ZDHHC7: variants seen among roughly 807,000 people sequenced by gnomAD.
ZDHHC7 encodes the protein palmitoyltransferase ZDHHC7.
ZDHHC7 carries 12 observed loss-of-function variants against 34.1 expected under a neutral mutation model. The observed-to-expected ratio is 0.35, with a 90% CI of 0.23 to 0.57. ZDHHC7 has a LOEUF of 0.57. ZDHHC7 is among the 20% of genes least tolerant of loss of function. The pLI is 0.84. For synonymous variants in ZDHHC7, 185 were observed against 155.4 expected (o/e 1.19, Z -1.42); for missense variants, 388 against 402.7 (o/e 0.96, Z 0.31).
upstream of ZDHHC7, among the ~76,000 whole-genome samples, chr16:85,011,702 G>A (rs1449153008): frequency 6.6e-6 from 1 of 152,220 alleles, no homozygotes; most frequent in Non-Finnish European, 1.5e-5. Flanking sequence ...AGACAGAGAT[G>A]CCGCCAAACT....
chr16:85,011,212 G>T (rs1025896241), intron 1 of ZDHHC7, 74 bp downstream of exon 1: 1 of 152,350 alleles, frequency 6.6e-6, no homozygotes, highest in Non-Finnish European at 1.5e-5. Context: ...GGAAGGACAG[G>T]GCACGCCGGG....
rs1222990866 is a variant in ZDHHC7 at position 84,977,065 on chromosome 16, G to A, written c.750+30C>T. The A allele has an allele frequency of 5.0e-6, 8 of 1,613,262 alleles. No individual in the cohort carries two copies. The East Asian group carries it at 1.1e-4, about 22-fold the overall frequency. ...ATTTACTCAAGCTTGGACCACATATGAAGTCCACACAGCCGAGAACAAAGC... is the reference window on the plus strand; with the variant it reads ...ATTTACTCAAGCTTGGACCACATATAAAGTCCACACAGCCGAGAACAAAGC... On this transcript the variant is annotated intron_variant, in intron 7 of 7. Transcript: ENST00000313732.
intron 1 of ZDHHC7, among the ~76,000 whole-genome samples, chr16:85,003,066 G>C (rs1022910074): frequency 6.6e-6 from 1 of 152,156 alleles, no homozygotes; most frequent in Non-Finnish European, 1.5e-5. Context: ...AGATTAGCCA[G>C]GATGATGGGC....
chr16:85,008,152 C>A (rs2072742307), intron 1 of ZDHHC7, among the ~76,000 whole-genome samples: 1 of 151,994 alleles, frequency 6.6e-6, no homozygotes, highest in Middle Eastern at 3.2e-3. Flanking sequence ...CTTATTTAAT[C>A]TTACCCAAAA....
intron 1 of ZDHHC7, among the ~76,000 whole-genome samples, chr16:84,999,045 G>A (rs918394217): frequency 2.0e-5 from 3 of 152,162 alleles, no homozygotes; most frequent in Admixed American, 6.5e-5. Flanking sequence ...GTGAGCCACC[G>A]TGCCCAGCCT....
In ZDHHC7 at chr16:84,979,181, T is replaced by C; in HGVS notation, c.537+8A>G. 6.3e-7 allele frequency: 1 copy of C among 1,585,330 alleles called. No individual in the cohort carries two copies. The highest frequency in any genetic ancestry group is 8.5e-7 in the Non-Finnish European group (1 of 1,170,986). ...ATGTAAATTCAATACAAAAATATTT[T>C]TACTTACAGTGAAGAGCACAAAAAA... On this transcript the variant is annotated splice_region_variant and intron_variant, in intron 5 of 7. Transcript: ENST00000313732.
At chr16:84,998,806 T>G (rs577576532) in intron 1 of ZDHHC7, among the ~76,000 whole-genome samples, 14 of 142,020 alleles carry the variant, frequency 9.9e-5, no homozygotes, top group Non-Finnish European at 1.9e-4. Flanking sequence ...CAGGCTGGAG[T>G]GCAGTGGCGC....
At chr16:85,019,398 A>AGAGT in the ZDHHC7 span, among the ~76,000 whole-genome samples, 1 of 152,194 alleles carries the variant, frequency 6.6e-6, no homozygotes. Flanking sequence ...CCTGGGCAAC[A>AGAGT]GAGTGAGACC....
intron 1 of ZDHHC7, among the ~76,000 whole-genome samples, chr16:85,006,421 T>C (rs888743159): frequency 6.6e-6 from 1 of 151,984 alleles, no homozygotes; most frequent in African/African-American, 2.4e-5. Flanking sequence ...TTTAAAATAA[T>C]ATATAGGGCC....
At chr16:85,022,347 C>T in the ZDHHC7 span, among the ~76,000 whole-genome samples, 1 of 151,856 alleles carries the variant, frequency 6.6e-6, no homozygotes, top group South Asian at 2.1e-4. Context: ...ATGGTGAAAC[C>T]CTAACTCTAC....
intron 2 of ZDHHC7, among the ~76,000 whole-genome samples, chr16:84,992,737 C>T (rs1354932347): frequency 6.6e-6 from 1 of 152,126 alleles, no homozygotes; most frequent in African/African-American, 2.4e-5. Flanking sequence ...ACCATGGCTT[C>T]TGAAATGTGA....
intron 1 of ZDHHC7, among the ~76,000 whole-genome samples, chr16:85,006,492 T>A (rs1280108707): frequency 6.6e-6 from 1 of 152,010 alleles, no homozygotes; most frequent in Non-Finnish European, 1.5e-5. Context: ...GGTGGGCAGA[T>A]CATTTGATCT....
chr16:85,022,234 A>G, the ZDHHC7 span, among the ~76,000 whole-genome samples: 2 of 149,500 alleles, frequency 1.3e-5, no homozygotes, highest in Admixed American at 1.3e-4. Flanking sequence ...AGAATTAGAA[A>G]ACTCAGCCAG....
chr16:84,998,954 C>T (rs1013806185), intron 1 of ZDHHC7, among the ~76,000 whole-genome samples: 3 of 151,988 alleles, frequency 2.0e-5, no homozygotes, highest in Non-Finnish European at 4.4e-5. Flanking sequence ...AGGGTTTCAC[C>T]ATGTTAGCCA....
upstream of ZDHHC7, among the ~76,000 whole-genome samples, chr16:85,014,931 T>C (rs1417747817): frequency 6.6e-6 from 1 of 151,870 alleles, no homozygotes; most frequent in African/African-American, 2.4e-5. Context: ...GGGGGAGGGG[T>C]GCTTCCAGGT....
At chr16:85,012,577 A>G (rs1475477523), upstream of ZDHHC7, among the ~76,000 whole-genome samples, 2 of 151,984 alleles carry the variant, frequency 1.3e-5, no homozygotes, top group Admixed American at 1.3e-4. Context: ...TATGCCAGAC[A>G]ATACCTACTT....
chr16:85,002,598 C>T (rs922561832), intron 1 of ZDHHC7, among the ~76,000 whole-genome samples: 1 of 151,574 alleles, frequency 6.6e-6, no homozygotes, highest in Non-Finnish European at 1.5e-5. Flanking sequence ...GAGGGGCTGA[C>T]GAGATGTGCC....
At chr16:85,011,068 T>C (rs77132357) in intron 1 of ZDHHC7, among the ~76,000 whole-genome samples, 20,915 of 152,250 alleles carry the variant, frequency 0.14, 1,780 homozygotes, top group East Asian at 0.31. Context: ...ATCCGGGCCC[T>C]ATCCCGAGAG....
intron 2 of ZDHHC7, among the ~76,000 whole-genome samples, chr16:84,991,131 C>T (rs1453493196): frequency 3.3e-5 from 5 of 152,164 alleles, no homozygotes; most frequent in African/African-American, 1.2e-4. Context: ...ATCTTTACAC[C>T]GCCTCATACA....
Sources: gnomAD v4.1 joint callset for allele counts (sites outside exome capture counted in the v4.1 genomes callset) on GRCh38, gnomAD v4.1.1 for gene constraint, MANE v1.5 for transcripts, NCBI Gene and HGNC (gene_info 2026-07-23, HGNC 2026-07-21) for gene names.